The following DNM3 variants were observed in gnomAD, a reference collection of about 807,000 sequenced individuals.
The protein encoded by DNM3 is dynamin-3.
In DNM3, 47 loss-of-function variants were observed where a neutral mutation model predicts 101.6. The observed-to-expected ratio is 0.46, with a 90% CI of 0.37 to 0.59. DNM3 has a LOEUF of 0.59. Among genes scored for constraint, DNM3 ranks in the 20% least tolerant of loss-of-function variants. The pLI is 0.00. For synonymous variants in DNM3, 385 were observed against 387.9 expected, an observed-to-expected ratio of 0.99 and a Z score of 0.09; for missense variants, 849 against 1,085.7, an observed-to-expected ratio of 0.78 and a Z score of 3.06.
At chr1:172,109,738 G>A (rs1351272941) in intron 13 of DNM3, among the ~76,000 whole-genome samples, 1 of 152,158 alleles carries the variant, frequency 6.6e-6, no homozygotes, top group Non-Finnish European at 1.5e-5. Context: ...AAATCAGAAT[G>A]CCTGTTACTT....
chr1:172,319,036 A>C (rs1188213878), intron 16 of DNM3, among the ~76,000 whole-genome samples: 1 of 152,138 alleles, frequency 6.6e-6, no homozygotes, highest in African/African-American at 2.4e-5. Context: ...GTACCAAAAC[A>C]GAGATATAGA....
chr1:172,139,173 G>C (rs1005361677), intron 14 of DNM3: 1 of 306,466 alleles, frequency 3.3e-6, no homozygotes. Context: ...TTAAACACAA[G>C]GTTTATTCTT....
intron 17 of DNM3, among the ~76,000 whole-genome samples, chr1:172,326,788 T>C (rs2148922965): frequency 6.6e-6 from 1 of 152,278 alleles, no homozygotes; most frequent in South Asian, 2.1e-4. Context: ...GATGTTGGTA[T>C]AGATACACAA....
intron 17 of DNM3, among the ~76,000 whole-genome samples, chr1:172,324,175 T>C (rs2065846808): frequency 6.6e-6 from 1 of 152,224 alleles, no homozygotes; most frequent in Non-Finnish European, 1.5e-5. Flanking sequence ...ATTTGTTTTC[T>C]TATTTTTTCT....
chr1:172,156,529 C>G (rs1435905264), intron 14 of DNM3, among the ~76,000 whole-genome samples: 1 of 152,034 alleles, frequency 6.6e-6, no homozygotes, highest in Non-Finnish European at 1.5e-5. Context: ...GACACTAGAG[C>G]CAAGCCTTGG....
At chr1:171,901,748 G>T (rs969696630) in intron 1 of DNM3, among the ~76,000 whole-genome samples, 1 of 152,036 alleles carries the variant, frequency 6.6e-6, no homozygotes, top group Non-Finnish European at 1.5e-5. Context: ...TTAAATACTC[G>T]GTATACTATG....
chr1:172,050,963 G>T (rs1170833885), intron 10 of DNM3, among the ~76,000 whole-genome samples: 1 of 152,062 alleles, frequency 6.6e-6, no homozygotes, highest in Non-Finnish European at 1.5e-5. Flanking sequence ...GAGACAGCTT[G>T]TTCCCAGACA....
At chr1:172,037,943 T>C (rs574355361) in intron 6 of DNM3, among the ~76,000 whole-genome samples, 9 of 152,334 alleles carry the variant, frequency 5.9e-5, no homozygotes, top group South Asian at 2.1e-4. Context: ...CTTCCTTCAT[T>C]TCTATCACAT....
intron 7 of DNM3, among the ~76,000 whole-genome samples, chr1:172,040,310 T>TA (rs1468950022): frequency 6.6e-6 from 1 of 152,202 alleles, no homozygotes. Flanking sequence ...TTGGCCTAAA[T>TA]AATTTGCAGC....
chr1:171,996,277 C>G (rs2045989699), intron 4 of DNM3, among the ~76,000 whole-genome samples: 1 of 152,120 alleles, frequency 6.6e-6, no homozygotes, highest in Non-Finnish European at 1.5e-5. Flanking sequence ...TGTCAAACTC[C>G]TAGCCATCAG....
intron 14 of DNM3, among the ~76,000 whole-genome samples, chr1:172,191,180 A>C (rs2059708925): frequency 6.6e-6 from 1 of 152,016 alleles, no homozygotes; most frequent in Non-Finnish European, 1.5e-5. Flanking sequence ...AACCATCTTG[A>C]ATTGATTTTT....
chr1:172,386,256 T>G (rs1028442107), intron 18 of DNM3, among the ~76,000 whole-genome samples: 2 of 38,478 alleles, frequency 5.2e-5, no homozygotes, highest in Non-Finnish European at 2.4e-4. Flanking sequence ...ATTGATGGTA[T>G]TTTTTTTTTG....
intron 4 of DNM3, among the ~76,000 whole-genome samples, chr1:171,998,494 T>A (rs953514746): frequency 2.0e-5 from 3 of 152,156 alleles, no homozygotes; most frequent in Non-Finnish European, 4.4e-5. Context: ...TTTAAAAGAT[T>A]ATTCTAGTTG....
intron 17 of DNM3, among the ~76,000 whole-genome samples, chr1:172,374,113 C>T (rs1041987661): frequency 6.6e-6 from 1 of 152,050 alleles, no homozygotes; most frequent in Non-Finnish European, 1.5e-5. Flanking sequence ...AATGTTCTAT[C>T]TTTGAATATT....
intron 13 of DNM3, among the ~76,000 whole-genome samples, chr1:172,126,756 A>G (rs1054125545): frequency 6.0e-5 from 9 of 150,008 alleles, no homozygotes; most frequent in South Asian, 2.1e-4. Flanking sequence ...TATTCCTTTT[A>G]TCTTCTCATT....
chr1:172,326,840 C>A (rs1282574003), intron 17 of DNM3, among the ~76,000 whole-genome samples: 1 of 152,000 alleles, frequency 6.6e-6, no homozygotes, highest in Non-Finnish European at 1.5e-5. Context: ...ATCAATGCTT[C>A]AAAAAGTTTT....
chr1:172,197,735 C>T (rs2060005718), intron 14 of DNM3, among the ~76,000 whole-genome samples: 1 of 152,004 alleles, frequency 6.6e-6, no homozygotes, highest in Admixed American at 6.6e-5. Context: ...TATAGAAATG[C>T]TAGTGATTTT....
At chr1:172,230,841 A>G (rs2061309620) in intron 14 of DNM3, among the ~76,000 whole-genome samples, 1 of 152,072 alleles carries the variant, frequency 6.6e-6, no homozygotes, top group African/African-American at 2.4e-5. Context: ...CTTAGAACAC[A>G]TTCTCCTCTT....
intron 15 of DNM3, among the ~76,000 whole-genome samples, chr1:172,258,907 C>T (rs376521653): frequency 2.6e-5 from 4 of 151,480 alleles, no homozygotes; most frequent in Admixed American, 2.6e-4. Context: ...TTTATCAGCA[C>T]TGTTTTCACT....
Sources: allele counts gnomAD v4.1 joint callset (sites outside exome capture counted in the v4.1 genomes callset), GRCh38; gene constraint gnomAD v4.1.1; transcripts MANE v1.5; gene names NCBI Gene and HGNC (gene_info 2026-07-23, HGNC 2026-07-21).